PDE6A: variants seen among roughly 807,000 people sequenced by gnomAD.
PDE6A encodes rod cGMP-specific 3',5'-cyclic phosphodiesterase subunit alpha.
In PDE6A, 84 loss-of-function variants were observed where a neutral mutation model predicts 106.3. The ratio of observed to expected loss-of-function variants is 0.79; its 90% CI spans 0.66 to 0.95. The LOEUF is 0.95. PDE6A is among the 40% of genes least tolerant of loss of function. The pLI is 0.00. For synonymous variants in PDE6A, 394 were observed against 386.6 expected (o/e 1.02, Z -0.23); for missense variants, 1,052 against 1,084.9 (o/e 0.97, Z 0.43).
intron 5 of PDE6A, among the ~76,000 whole-genome samples, chr5:149,919,025 G>C (rs1295569635): frequency 6.6e-6 from 1 of 152,112 alleles, no homozygotes; most frequent in Non-Finnish European, 1.5e-5. Flanking sequence ...TTTCCTAGGA[G>C]ATAAGTTTCT....
At position 149,932,290 on chromosome 5, in the gene PDE6A, T is replaced by C. The variant is rs1157886240; in HGVS notation, c.718-1122A>G. On this transcript the variant is annotated intron_variant, in intron 3 of 21. Coordinates refer to ENST00000255266, the MANE Select transcript of PDE6A (RefSeq NM_000440.3). ...GCAGTTTCACTCGTAGACCGCTCTC[T>C]TTTTAGTCGGCCAACTGCACGGATT... The C allele has an allele frequency of 2.8e-6, 4 of 1,443,318 alleles. No individual in the cohort carries two copies. The East Asian group carries it at 9.1e-5, about 33-fold the overall frequency. The allele number at this position is 1,443,318 out of a possible 1,614,324, so 89.4% of individuals were successfully genotyped here. A position where few individuals can be genotyped will look rare whatever the true frequency, so the allele number is the denominator to read the frequency against.
At chr5:149,864,906 G>T (rs1249332644) in intron 20 of PDE6A, among the ~76,000 whole-genome samples, 2 of 152,106 alleles carry the variant, frequency 1.3e-5, no homozygotes, top group Admixed American at 6.5e-5. Context: ...AAAGCACTTA[G>T]CCCAGTCTCC....
intron 17 of PDE6A, among the ~76,000 whole-genome samples, chr5:149,871,359 A>C (rs1229928534): frequency 6.6e-6 from 1 of 152,200 alleles, no homozygotes; most frequent in Non-Finnish European, 1.5e-5. Flanking sequence ...GTAAACAAAC[A>C]ACTGCTCTGA....
chr5:149,876,649 C>A (rs1344925619), intron 17 of PDE6A, among the ~76,000 whole-genome samples: 3 of 152,056 alleles, frequency 2.0e-5, no homozygotes, highest in African/African-American at 7.2e-5. Context: ...ATTACAGGTG[C>A]AAGCCACCAT....
At chr5:149,888,456 G>T (rs937021026) in intron 13 of PDE6A, among the ~76,000 whole-genome samples, 1 of 147,650 alleles carries the variant, frequency 6.8e-6, no homozygotes, top group East Asian at 1.9e-4. Flanking sequence ...TCTTTATTTA[G>T]AATTCTTAAC....
At chr5:149,901,436 C>T (rs2113601495) in intron 8 of PDE6A, among the ~76,000 whole-genome samples, 1 of 152,134 alleles carries the variant, frequency 6.6e-6, no homozygotes, top group African/African-American at 2.4e-5. Flanking sequence ...GCTGAAGCAG[C>T]AGAATCGCTT....
At position 149,895,284 on chromosome 5, in the gene PDE6A, C is replaced by G; in HGVS notation, c.1627G>C (p.Val543Leu). The change falls in exon 13 of 22, where the codon GTG becomes CTG. Residue 543 changes from valine (V) to leucine (L), a missense_variant. Around this residue, in one of 3 missense-constraint regions of PDE6A, gnomAD observed 913 missense variants for 915.2 expected, o/e 1.00. Coordinates refer to ENST00000255266, the MANE Select transcript of PDE6A (RefSeq NM_000440.3). ...TTACTCAGGGAGTACATGAACCGCA[C>G]CAGGGCCTGTGAACACATGCACATC... ...DKFHIPQEAL[V>L]RFMYSLSKGY... 6.2e-7 allele frequency: 1 copy of G among 1,610,840 alleles called. No homozygotes were observed. The highest frequency in any genetic ancestry group is 1.1e-5 in the South Asian group (1 of 91,020).
At position 149,895,053 on chromosome 5, in the gene PDE6A, C is replaced by T; in HGVS notation, c.1728+130G>A. On this transcript the variant is annotated intron_variant, in intron 13 of 21. Transcript: ENST00000255266. The stretch of plus-strand genomic sequence containing the variant: ...ATCCTTTTACACTAAGCCCGTACTG[C>T]TTTCACATAACTCTTAAAAGACAAT... The T allele has an allele frequency of 1.3e-5, 9 of 706,150 alleles. No individual in the cohort carries two copies. The South Asian group carries it at 1.3e-4, about 11-fold the overall frequency. 43.7% of individuals were successfully genotyped at this position (706,150 alleles called of 1,614,324 possible). A position where few individuals can be genotyped will look rare whatever the true frequency, so the allele number is the denominator to read the frequency against.
chr5:149,875,737 C>T (rs1760716405), intron 17 of PDE6A, among the ~76,000 whole-genome samples: 1 of 152,134 alleles, frequency 6.6e-6, no homozygotes, highest in Non-Finnish European at 1.5e-5. Context: ...CATCCTCTCG[C>T]CTCAGCTTTG....
At chr5:149,920,697 G>T (rs998662042) in intron 5 of PDE6A, among the ~76,000 whole-genome samples, 3 of 152,082 alleles carry the variant, frequency 2.0e-5, no homozygotes, top group Non-Finnish European at 4.4e-5. Flanking sequence ...GTCCAGTATG[G>T]ATTAATCATC....
chr5:149,863,399 G>A lies in PDE6A; in HGVS notation c.2359-133C>T. On this transcript the variant is annotated intron_variant, in intron 20 of 21. Coordinates refer to ENST00000255266, the MANE Select transcript of PDE6A (RefSeq NM_000440.3). This position sits in a 1 kb window ranked among gnomAD's most constrained non-coding sequence, Gnocchi z 4.7. ...GTAGCAGGCCTCCCGCCACCGTGCT[G>A]ATACTGCAGGGCCTCCGGTCTACAC... 1.2e-6 allele frequency: 1 copy of A among 852,416 alleles called. No individual in the cohort carries two copies. Among genetic ancestry groups the A allele is most frequent in the Non-Finnish European group, 1.9e-6 (1 of 521,016 alleles). 52.8% of individuals were successfully genotyped at this position (852,416 alleles called of 1,614,324 possible). A position where few individuals can be genotyped will look rare whatever the true frequency, so the allele number is the denominator to read the frequency against.
At chr5:149,932,832 A>C (rs959683974) in intron 3 of PDE6A, among the ~76,000 whole-genome samples, 1 of 152,218 alleles carries the variant, frequency 6.6e-6, no homozygotes. Flanking sequence ...CTCCGCCCAC[A>C]GGAGGGTCCC....
intron 6 of PDE6A, among the ~76,000 whole-genome samples, chr5:149,913,667 G>A (rs903264704): frequency 2.0e-5 from 3 of 152,176 alleles, no homozygotes; most frequent in African/African-American, 7.2e-5. Flanking sequence ...TAAGACTAAA[G>A]GTGTGGCTCT....
intron 11 of PDE6A, 46 bp from the exon 12 acceptor site, chr5:149,896,548 C>T (rs1220636213): frequency 6.2e-7 from 1 of 1,614,024 alleles, no homozygotes; most frequent in South Asian, 1.1e-5. Flanking sequence ...TGAAGTGTTT[C>T]TGGGTGCCCA....
intron 6 of PDE6A, among the ~76,000 whole-genome samples, chr5:149,912,655 C>T (rs1283968542): frequency 6.6e-6 from 1 of 152,168 alleles, no homozygotes; most frequent in Non-Finnish European, 1.5e-5. Flanking sequence ...CTGACTACAA[C>T]CCACCCACCA....
intron 17 of PDE6A, among the ~76,000 whole-genome samples, chr5:149,879,671 T>C (rs993229986): frequency 1.4e-5 from 2 of 147,224 alleles, no homozygotes; most frequent in East Asian, 4.0e-4. Flanking sequence ...TGAGAATATG[T>C]GGTGTTTGGT....
At chr5:149,878,332 T>A in intron 17 of PDE6A, among the ~76,000 whole-genome samples, 1 of 152,168 alleles carries the variant, frequency 6.6e-6, no homozygotes, top group East Asian at 1.9e-4. Flanking sequence ...TTAAACATAA[T>A]TCCTTTCATT....
chr5:149,910,778 A>G (rs114412353), intron 6 of PDE6A, among the ~76,000 whole-genome samples: 3,181 of 152,188 alleles, frequency 0.021, 90 homozygotes, highest in African/African-American at 0.071. Context: ...CACCTACATC[A>G]AAGTTCCAAG....
chr5:149,920,287 G>C (rs186983053), intron 5 of PDE6A, among the ~76,000 whole-genome samples: 1 of 152,252 alleles, frequency 6.6e-6, no homozygotes, highest in Non-Finnish European at 1.5e-5. Flanking sequence ...GTACATAAAA[G>C]AGAGTGGTGG....
Sources: gnomAD v4.1 joint callset for allele counts (sites outside exome capture counted in the v4.1 genomes callset) on GRCh38, gnomAD v4.1.1 for gene constraint, gnomAD v4.1.1 regional missense constraint, Gnocchi (gnomAD v3.1) non-coding constraint, MANE v1.5 for transcripts, NCBI Gene and HGNC (gene_info 2026-07-23, HGNC 2026-07-21) for gene names.